Variants in ST8SIA6 observed in about 807,000 individuals in gnomAD.
ST8SIA6 encodes the protein ST8 alpha-N-acetyl-neuraminide alpha-2,8-sialyltransferase 6.
In ST8SIA6, 39 loss-of-function variants were observed where a neutral mutation model predicts 33.6. The ratio of observed to expected loss-of-function variants is 1.16; its 90% CI spans 0.90 to 1.52. The LOEUF (loss-of-function observed/expected upper bound fraction) is 1.52. ST8SIA6 is among the 40% of genes most tolerant of loss of function. The pLI is 0.00. For synonymous variants in ST8SIA6, 172 were observed against 167.2 expected, an observed-to-expected ratio of 1.03 and a Z score of -0.22; for missense variants, 441 against 443.8, an observed-to-expected ratio of 0.99 and a Z score of 0.06.
intron 2 of ST8SIA6, among the ~76,000 whole-genome samples, chr10:17,406,880 C>T (rs186688684): frequency 1.3e-4 from 20 of 151,546 alleles, no homozygotes; most frequent in African/African-American, 3.9e-4. Flanking sequence ...CCAAAACCTC[C>T]GCCTCCCGTG....
chr10:17,364,245 C>T (rs1199098532), intron 3 of ST8SIA6, among the ~76,000 whole-genome samples: 3 of 152,176 alleles, frequency 2.0e-5, no homozygotes, highest in East Asian at 1.9e-4. Context: ...TTAAACATCA[C>T]TCCCCCTATA....
At position 17,318,508 on chromosome 10, in the gene ST8SIA6, G is replaced by A. The variant is rs532636160; in HGVS notation, c.*2370C>T. ...TGGGATTACAGGTGTGAGCCATTGC[G>A]CCTGGCCTAAAGGGCTGCTCTTGTC... is the stretch of plus-strand genomic sequence containing the variant. On this transcript the variant is annotated 3_prime_UTR_variant, in exon 8 of 8. Coordinates refer to ENST00000377602, the MANE Select transcript of ST8SIA6 (RefSeq NM_001004470.3). The A allele has an allele frequency of 8.2e-4, 300 of 365,010 alleles. 1 individual carries two copies. Among genetic ancestry groups the A allele is most frequent in the Admixed American group, 8.4e-4 (22 of 26,342 alleles). The allele number at this position is 365,010 out of a possible 1,614,324, so 22.6% of individuals were successfully genotyped here.
intron 4 of ST8SIA6, among the ~76,000 whole-genome samples, chr10:17,354,739 A>G (rs1359447312): frequency 6.6e-6 from 1 of 152,198 alleles, no homozygotes; most frequent in Non-Finnish European, 1.5e-5. Flanking sequence ...ATTGAATCCC[A>G]GAGTCTCAGG....
chr10:17,342,980 C>A (rs769450777), intron 4 of ST8SIA6, among the ~76,000 whole-genome samples: 1 of 152,070 alleles, frequency 6.6e-6, no homozygotes, highest in Admixed American at 6.6e-5. Flanking sequence ...GGCAGCAGGG[C>A]GTTATGATAA....
chr10:17,374,751 A>AAAT, intron 3 of ST8SIA6, among the ~76,000 whole-genome samples: 1 of 114,122 alleles, frequency 8.8e-6, no homozygotes, highest in South Asian at 3.3e-4. Context: ...AATAAATAAT[A>AAAT]AATATATATA....
intron 3 of ST8SIA6, among the ~76,000 whole-genome samples, chr10:17,380,476 G>A (rs888654932): frequency 6.6e-6 from 1 of 152,108 alleles, no homozygotes; most frequent in Non-Finnish European, 1.5e-5. Context: ...CCTAAATTAT[G>A]GGGAACAGGG....
chr10:17,374,270 AAG>A (rs1325576709), intron 3 of ST8SIA6, among the ~76,000 whole-genome samples: 6 of 152,072 alleles, frequency 3.9e-5, no homozygotes, highest in Admixed American at 6.6e-5. Context: ...CAAATAATTT[AAG>A]AGAGACTATG....
At position 17,454,417 on chromosome 10, in the gene ST8SIA6, C is replaced by G. The variant is rs1853044570; in HGVS notation, c.-162G>C. On this transcript the variant is annotated 5_prime_UTR_variant, in exon 1 of 8. Coordinates refer to ENST00000377602, the MANE Select transcript of ST8SIA6 (RefSeq NM_001004470.3). The surrounding 1 kb of genome is among the most constrained non-coding windows in gnomAD (Gnocchi z 4.1). ...CAGCGAGGGGCGCCCGCAGCCCACC[C>G]GGCAGAGTCTCCGCGGCGGGCGGAG... 2 of 158,516 alleles carry G rather than the reference C, an allele frequency of 1.3e-5. No individual in the cohort carries two copies. Among genetic ancestry groups the G allele is most frequent in the Non-Finnish European group, 2.8e-5 (2 of 72,414 alleles). The allele number at this position is 158,516 out of a possible 1,614,324, so 9.8% of individuals were successfully genotyped here. A position where few individuals can be genotyped will look rare whatever the true frequency, so the allele number is the denominator to read the frequency against.
chr10:17,423,587 T>C (rs917557008), intron 2 of ST8SIA6, among the ~76,000 whole-genome samples: 1 of 152,222 alleles, frequency 6.6e-6, no homozygotes, highest in African/African-American at 2.4e-5. Flanking sequence ...GGGTTGTTAC[T>C]TGCATTGTCT....
intron 4 of ST8SIA6, among the ~76,000 whole-genome samples, chr10:17,357,660 G>GA (rs1849242966): frequency 6.6e-6 from 1 of 152,046 alleles, no homozygotes; most frequent in Admixed American, 6.6e-5. Context: ...CCCTGCCTTC[G>GA]TGGCAGGGAG....
intron 3 of ST8SIA6, among the ~76,000 whole-genome samples, chr10:17,372,198 C>A (rs12244541): frequency 1.1e-4 from 16 of 152,300 alleles, no homozygotes; most frequent in African/African-American, 3.9e-4. Flanking sequence ...GATACCCGAG[C>A]TTCAAGTAGG....
Position 17,329,636 on chromosome 10 carries a change from T to C in ST8SIA6, c.522+1772A>G, listed in dbSNP as rs746105612. On this transcript the variant is annotated intron_variant, in intron 5 of 7. Coordinates refer to ENST00000377602, the MANE Select transcript of ST8SIA6 (RefSeq NM_001004470.3). ...CAAATAGGCTCATTATGGTATAAAATAGAAAAGATTACTGAAGGAAACATA... is the reference window on the plus strand; with the variant it reads ...CAAATAGGCTCATTATGGTATAAAACAGAAAAGATTACTGAAGGAAACATA... Among the ~76,000 whole-genome samples, 3 of 152,286 alleles carry C rather than the reference T, an allele frequency of 2.0e-5. No homozygotes were observed. The East Asian group carries it at 5.8e-4, about 29-fold the overall frequency.
intron 2 of ST8SIA6, chr10:17,413,265 CTCT>C: frequency 6.6e-6 from 1 of 151,322 alleles, no homozygotes; most frequent in Admixed American, 6.6e-5. Flanking sequence ...TTTTCTTCTC[CTCT>C]TCTTTTTTTT....
rs1171716843 is a variant in ST8SIA6 at position 17,316,377 on chromosome 10, T to G, written c.*4501A>C. Among the ~76,000 whole-genome samples, 1 of 152,114 alleles carries G rather than the reference T, an allele frequency of 6.6e-6. No individual in the cohort carries two copies. Among genetic ancestry groups the G allele is most frequent in the East Asian group, 1.9e-4 (1 of 5,198 alleles). Reference sequence around the variant, plus strand: ...GCTGTATCATATTCCACACTATGGATCCAGTCAAGTTAGTTCACTGACTTC... The same window carrying G: ...GCTGTATCATATTCCACACTATGGAGCCAGTCAAGTTAGTTCACTGACTTC... On this transcript the variant is annotated 3_prime_UTR_variant, in exon 8 of 8. Transcript: ENST00000377602.
chr10:17,347,019 C>A (rs1391242504), intron 4 of ST8SIA6, among the ~76,000 whole-genome samples: 1 of 152,212 alleles, frequency 6.6e-6, no homozygotes, highest in Non-Finnish European at 1.5e-5. Flanking sequence ...TACCTCTTCT[C>A]TGGGACACCT....
chr10:17,432,109 G>A (rs61499217), intron 2 of ST8SIA6, among the ~76,000 whole-genome samples: 8,362 of 152,232 alleles, frequency 0.055, 764 homozygotes, highest in African/African-American at 0.19. Context: ...GAGACAAGGC[G>A]CCAGAGCATA....
chr10:17,325,331 T>A (rs2131578226), intron 6 of ST8SIA6, among the ~76,000 whole-genome samples: 1 of 146,896 alleles, frequency 6.8e-6, no homozygotes, highest in African/African-American at 2.5e-5. Flanking sequence ...TACATATGTA[T>A]AATATGTATA....
chr10:17,421,508 C>T (rs1391236055), intron 2 of ST8SIA6, among the ~76,000 whole-genome samples: 1 of 152,048 alleles, frequency 6.6e-6, no homozygotes, highest in Non-Finnish European at 1.5e-5. Context: ...ATTAACTAGC[C>T]CTGAATGAGT....
Position 17,442,126 on chromosome 10 carries a change from C to T in ST8SIA6, c.200+11433G>A, listed in dbSNP as rs183118330. Among the ~76,000 whole-genome samples the T allele has an allele frequency of 2.7e-3, 408 of 152,302 alleles. 4 individuals carry two copies. The highest frequency in any genetic ancestry group is 9.2e-3 in the African/African-American group (381 of 41,566). On this transcript the variant is annotated intron_variant, in intron 2 of 7. Coordinates refer to ENST00000377602, the MANE Select transcript of ST8SIA6 (RefSeq NM_001004470.3). ...TCGTGATCCACCTGCCTCGGCCTCC[C>T]GAAGTGCTGGGATTACAGGCGTGGG... is the stretch of plus-strand genomic sequence containing the variant.
Sources: allele counts gnomAD v4.1 joint callset (sites outside exome capture counted in the v4.1 genomes callset), GRCh38; gene constraint gnomAD v4.1.1; non-coding constraint Gnocchi (gnomAD v3.1); transcripts MANE v1.5; gene names NCBI Gene and HGNC (gene_info 2026-07-23, HGNC 2026-07-21).